XPNPEP1: variants seen among roughly 807,000 people sequenced by gnomAD.
XPNPEP1 encodes the protein X-prolyl aminopeptidase 1.
In XPNPEP1, 39 loss-of-function variants were observed where a neutral mutation model predicts 92.4. The ratio of observed to expected loss-of-function variants is 0.42; its 90% CI spans 0.33 to 0.55. XPNPEP1 has a LOEUF of 0.55. Among genes scored for constraint, XPNPEP1 ranks in the 20% least tolerant of loss-of-function variants. The pLI, the probability that XPNPEP1 is intolerant of heterozygous loss-of-function variation, is 0.08. For synonymous variants in XPNPEP1, 307 were observed against 299.4 expected (o/e 1.03, Z -0.26); for missense variants, 654 against 856.1 (o/e 0.76, Z 2.95).
At chr10:109,921,794 C>G (rs1007340191) in intron 1 of XPNPEP1, among the ~76,000 whole-genome samples, 2 of 152,168 alleles carry the variant, frequency 1.3e-5, no homozygotes, top group African/African-American at 4.8e-5. Context: ...GGACCCAAAG[C>G]AGGTCAATCC....
intron 1 of XPNPEP1, among the ~76,000 whole-genome samples, chr10:109,915,420 T>C (rs1407880772): frequency 1.3e-5 from 2 of 152,334 alleles, no homozygotes; most frequent in East Asian, 3.9e-4. Flanking sequence ...CATCTGCCCG[T>C]TCTTTCTTTA....
intron 12 of XPNPEP1, among the ~76,000 whole-genome samples, chr10:109,878,883 GA>G (rs925277682): frequency 1.4e-4 from 17 of 119,996 alleles, no homozygotes; most frequent in Admixed American, 2.5e-4. Context: ...CTCAAAATAA[GA>G]AAAAAAAAAA....
intron 3 of XPNPEP1, among the ~76,000 whole-genome samples, chr10:109,906,794 T>G (rs180748134): frequency 6.6e-6 from 1 of 152,030 alleles, no homozygotes; most frequent in Non-Finnish European, 1.5e-5. Flanking sequence ...CTAGAACCTC[T>G]TTCCTCCTCC....
intron 1 of XPNPEP1, among the ~76,000 whole-genome samples, chr10:109,918,941 G>A (rs1478381884): frequency 2.7e-5 from 4 of 149,580 alleles, no homozygotes; most frequent in Admixed American, 1.3e-4. Context: ...GAAAAAGAAC[G>A]AAAAGGAAGG....
In XPNPEP1 at chr10:109,898,746, T is replaced by C. The variant is rs567264941; in HGVS notation, c.247-5671A>G. Among the ~76,000 whole-genome samples the C allele has an allele frequency of 2.0e-5, 3 of 152,346 alleles. No homozygotes were observed. The East Asian group carries it at 5.8e-4, about 29-fold the overall frequency. ...ACACCAGACTAAGAGGCTTGAACTT[T>C]ATCCTGCAAGTTCTAGAGAGACACT... On this transcript the variant is annotated intron_variant, in intron 3 of 20. Transcript: ENST00000502935.
chr10:109,923,108 G>GGCC, intron 1 of XPNPEP1: 2 of 962,774 alleles, frequency 2.1e-6, no homozygotes, highest in Non-Finnish European at 2.5e-6. Flanking sequence ...GAACTGTGAC[G>GGCC]GCCGCCGCCC....
At position 109,923,458 on chromosome 10, in the gene XPNPEP1, C is replaced by G. The variant is rs755039853; in HGVS notation, c.-25G>C. ...TTCGGCGGTGACGTGCCCCAGCCCACGTCAGGGGAGCGCAGACCAGCTGAT... is the reference window on the plus strand; with the variant it reads ...TTCGGCGGTGACGTGCCCCAGCCCAGGTCAGGGGAGCGCAGACCAGCTGAT... On this transcript the variant is annotated 5_prime_UTR_variant, in exon 1 of 21. Transcript: ENST00000502935. 1 of 1,416,046 alleles carries G rather than the reference C, an allele frequency of 7.1e-7. No individual in the cohort carries two copies. Among genetic ancestry groups the G allele is most frequent in the South Asian group, 1.3e-5 (1 of 74,214 alleles). 87.7% of individuals were successfully genotyped at this position (1,416,046 alleles called of 1,614,324 possible).
intron 3 of XPNPEP1, among the ~76,000 whole-genome samples, chr10:109,903,537 G>T (rs1849398449): frequency 6.6e-6 from 1 of 152,164 alleles, no homozygotes; most frequent in East Asian, 1.9e-4. Flanking sequence ...TGCTTGAAGG[G>T]CAGAAAATTA....
At chr10:109,894,693 C>T (rs1031182135) in intron 3 of XPNPEP1, among the ~76,000 whole-genome samples, 1 of 152,208 alleles carries the variant, frequency 6.6e-6, no homozygotes, top group Non-Finnish European at 1.5e-5. Context: ...CACCTGCCCA[C>T]TAGCCCAGGC....
chr10:109,868,563 A>C (rs1438561923), intron 20 of XPNPEP1, 51 bp downstream of exon 20: 1 of 1,394,448 alleles, frequency 7.2e-7, no homozygotes, highest in Non-Finnish European at 1.0e-6. Flanking sequence ...TATTTAAGGT[A>C]GTCTCCACCT....
chr10:109,869,639 ATGTG>A (rs1847336001), intron 19 of XPNPEP1, among the ~76,000 whole-genome samples: 10 of 152,174 alleles, frequency 6.6e-5, no homozygotes, highest in Non-Finnish European at 2.9e-5. Context: ...GCCCCAAATC[ATGTG>A]AAGCAAGCAT....
intron 2 of XPNPEP1, among the ~76,000 whole-genome samples, chr10:109,909,120 A>G (rs1356410409): frequency 6.6e-6 from 1 of 152,018 alleles, no homozygotes; most frequent in Admixed American, 6.6e-5. Context: ...AATACAAAAA[A>G]GTTAGCCAGG....
Position 109,888,056 on chromosome 10 carries a change from A to G in XPNPEP1, c.645T>C (p.Asp215=), listed in dbSNP as rs928004540. The change falls in exon 7 of 21, where the codon GAT becomes GAC. Residue 215 remains aspartate (D), a synonymous_variant. Transcript: ENST00000502935. The part of the protein sequence containing the change: ...PCKPLLTLGL[D]YTGISWKDKV... ...AGAACCATTGATTCTGACCTGTGTAATCCAGGCCCAGTGTGAGGAGAGGCT... is the reference window on the plus strand; with the variant it reads ...AGAACCATTGATTCTGACCTGTGTAGTCCAGGCCCAGTGTGAGGAGAGGCT... The G allele has an allele frequency of 3.1e-6, 5 of 1,613,924 alleles. No homozygotes were observed. Among genetic ancestry groups the G allele is most frequent in the Non-Finnish European group, 4.2e-6 (5 of 1,180,020 alleles).
chr10:109,921,959 GA>G (rs1330035024), intron 1 of XPNPEP1, among the ~76,000 whole-genome samples: 1 of 152,350 alleles, frequency 6.6e-6, no homozygotes, highest in African/African-American at 2.4e-5. Flanking sequence ...GCCATAAGGA[GA>G]AAGTCTCCCT....
chr10:109,898,953 T>G (rs1293179484), intron 3 of XPNPEP1, among the ~76,000 whole-genome samples: 3 of 152,112 alleles, frequency 2.0e-5, no homozygotes, highest in African/African-American at 7.2e-5. Flanking sequence ...CTGACCCTCT[T>G]CTCCCATCAG....
intron 15 of XPNPEP1, 37 bp downstream of exon 15, chr10:109,875,491 C>T: frequency 6.2e-7 from 1 of 1,605,276 alleles, no homozygotes. Context: ...TGCCTCGAAT[C>T]CATAGTCAAG....
At chr10:109,916,458 T>A (rs1850197696) in intron 1 of XPNPEP1, among the ~76,000 whole-genome samples, 1 of 152,196 alleles carries the variant, frequency 6.6e-6, no homozygotes, top group Non-Finnish European at 1.5e-5. Context: ...GTTTTGAATT[T>A]TACTCAGCTA....
chr10:109,881,425 G>A (rs1848089287), intron 10 of XPNPEP1, among the ~76,000 whole-genome samples: 1 of 152,076 alleles, frequency 6.6e-6, no homozygotes, highest in Non-Finnish European at 1.5e-5. Flanking sequence ...TTGAAGGGCT[G>A]GAGAAGACCC....
intron 3 of XPNPEP1, among the ~76,000 whole-genome samples, chr10:109,901,318 G>A (rs965840745): frequency 6.6e-6 from 1 of 151,314 alleles, no homozygotes; most frequent in Non-Finnish European, 1.5e-5. Context: ...TAAATGATGA[G>A]TTAATGGGTG....
Sources: gnomAD v4.1 joint callset for allele counts (sites outside exome capture counted in the v4.1 genomes callset) on GRCh38, gnomAD v4.1.1 for gene constraint, MANE v1.5 for transcripts, NCBI Gene and HGNC (gene_info 2026-07-23, HGNC 2026-07-21) for gene names.